The following DNAJC13 variants were observed in gnomAD, a reference collection of about 807,000 sequenced individuals.
DNAJC13 encodes dnaJ homolog subfamily C member 13.
In DNAJC13, 75 loss-of-function variants were observed where a neutral mutation model predicts 290.5. The observed-to-expected ratio is 0.26, with a 90% CI of 0.21 to 0.31. DNAJC13 has a LOEUF of 0.31. Among genes scored for constraint, DNAJC13 ranks in the 10% least tolerant of loss-of-function variants. DNAJC13 has a pLI of 1.00. For synonymous variants in DNAJC13, 862 were observed against 892.0 expected, an observed-to-expected ratio of 0.97 and a Z score of 0.60; for missense variants, 2,260 against 2,674.5, an observed-to-expected ratio of 0.85 and a Z score of 3.42.
Position 132,461,058 on chromosome 3 carries a change from G to A in DNAJC13, c.1566G>A (p.Gly522=), listed in dbSNP as rs1247484113. 1 of 1,613,816 alleles carries A rather than the reference G, an allele frequency of 6.2e-7. No homozygotes were observed. The highest frequency in any genetic ancestry group is 1.7e-4 in the Middle Eastern group (1 of 6,060). The stretch of plus-strand genomic sequence containing the variant: ...CTGTTGCATTGTTTCAGGATCATGG[G>A]ACTGGTGCCCTAGTTATTAGTTCGC... ...LEKFNSHVDH[G]TGALVISSLL... Residue 522 remains glycine, a synonymous_variant, in exon 15 of 56, where the codon GGG becomes GGA. Transcript: ENST00000260818.
chr3:132,460,136 A>G (rs1272092424), intron 13 of DNAJC13, 114 bp from the exon 14 acceptor site: 6 of 590,462 alleles, frequency 1.0e-5, no homozygotes, highest in Admixed American at 3.6e-5. Flanking sequence ...TTTAAAGGCA[A>G]TGGTTTTTAA....
rs1315353607 is a variant in DNAJC13 at position 132,447,415 on chromosome 3, C to T, written c.239C>T (p.Ser80Leu). Residue 80 changes from serine (S) to leucine (L), a missense_variant, in exon 4 of 56, where the codon TCA (serine) becomes TTA (leucine). By Grantham distance (145) the Ser-to-Leu change is moderately radical (BLOSUM62 -2). Around this residue, in one of 3 missense-constraint regions of DNAJC13, gnomAD observed 762 missense variants for 964.1 expected, o/e 0.79. Coordinates refer to ENST00000260818, the MANE Select transcript of DNAJC13 (RefSeq NM_015268.4). ...TTTCGTAAAGGCAGTGGAAAAAAGT[C>T]AGAAACTTTAAAATTTTCTACAGAG... ...LTFRKGSGKK[S>L]ETLKFSTEHR... 2.4e-5 allele frequency: 38 copies of T among 1,608,632 alleles called. No individual in the cohort carries two copies. Among genetic ancestry groups the T allele is most frequent in the Non-Finnish European group, 3.2e-5 (38 of 1,177,654 alleles).
chr3:132,459,286 T>C (rs1296792621), intron 13 of DNAJC13, among the ~76,000 whole-genome samples: 1 of 152,198 alleles, frequency 6.6e-6, no homozygotes, highest in African/African-American at 2.4e-5. Flanking sequence ...CTGACACGTT[T>C]TGCAACATGG....
chr3:132,472,465 G>T (rs556484194), intron 20 of DNAJC13: 3 of 687,664 alleles, frequency 4.4e-6, no homozygotes, highest in Non-Finnish European at 5.4e-6. Context: ...AGATAATTTT[G>T]TATTGATGTG....
Position 132,444,506 on chromosome 3 carries a change from T to C in DNAJC13, c.69-1969T>C, listed in dbSNP as rs552074909. On this transcript the variant is annotated intron_variant, in intron 2 of 55. Coordinates refer to ENST00000260818, the MANE Select transcript of DNAJC13 (RefSeq NM_015268.4). ...TTTCTTAGCCAGTCTTCTAAGACTGTACATGGCACCAGCAGTTACATTTGG... is the reference window on the plus strand; with the variant it reads ...TTTCTTAGCCAGTCTTCTAAGACTGCACATGGCACCAGCAGTTACATTTGG... Among the ~76,000 whole-genome samples, 7 of 152,320 alleles carry C rather than the reference T, an allele frequency of 4.6e-5. No homozygotes were observed. In the South Asian group the frequency reaches 1.2e-3, roughly 27 times the overall value.
chr3:132,425,981 C>T (rs1453429971), intron 1 of DNAJC13, among the ~76,000 whole-genome samples: 1 of 152,120 alleles, frequency 6.6e-6, no homozygotes, highest in Non-Finnish European at 1.5e-5. Flanking sequence ...CTCCCAAATC[C>T]TGTGGTTTTC....
In DNAJC13 at chr3:132,445,944, T is replaced by G. The variant is rs138243670; in HGVS notation, c.69-531T>G. On this transcript the variant is annotated intron_variant, in intron 2 of 55. Coordinates refer to ENST00000260818, the MANE Select transcript of DNAJC13 (RefSeq NM_015268.4). Reference sequence around the variant, plus strand: ...AAGTGAGAAGTGAAAACTGCTTGTTTGTGGTGTAGGCTTCCTACTTCTATA... The same window carrying G: ...AAGTGAGAAGTGAAAACTGCTTGTTGGTGGTGTAGGCTTCCTACTTCTATA... 2.0e-3 allele frequency among the ~76,000 whole-genome samples: 306 copies of G among 152,212 alleles called. 3 individuals are homozygous for G. Among genetic ancestry groups the G allele is most frequent in the Non-Finnish European group, 4.6e-4 (31 of 67,954 alleles).
At chr3:132,479,117 A>G in intron 24 of DNAJC13, 110 bp from the exon 25 acceptor site, 1 of 589,066 alleles carries the variant, frequency 1.7e-6, no homozygotes, top group Non-Finnish European at 3.0e-6. Context: ...CTTAATGTTT[A>G]TAAAATGGCA....
In DNAJC13 at chr3:132,538,402, T is replaced by C; in HGVS notation, c.*120T>C. ...TGGTTTCATGACAGTGTTATTCCTT[T>C]TTCTATAAATATATTTTTAGGAAAA... On this transcript the variant is annotated 3_prime_UTR_variant, in exon 56 of 56. Coordinates refer to ENST00000260818, the MANE Select transcript of DNAJC13 (RefSeq NM_015268.4). The C allele has an allele frequency of 1.5e-6, 1 of 679,450 alleles. No individual in the cohort carries two copies. The highest frequency in any genetic ancestry group is 2.3e-5 in the South Asian group (1 of 44,068). 42.1% of individuals were successfully genotyped at this position (679,450 alleles called of 1,614,324 possible).
At position 132,526,250 on chromosome 3, in the gene DNAJC13, TTCA is replaced by T; in HGVS notation, c.6351_6353del (p.Phe2117_Gln2118delinsLeu). ...GCCTGTGAAGCAATTAATCGAATGT[TTCA>T]GAAGGAGCAGAGTGAATTAGTAGCA... On this transcript the variant is annotated inframe_deletion, in exon 53 of 56. Transcript: ENST00000260818. 2.5e-6 allele frequency: 4 copies of T among 1,614,032 alleles called. No individual in the cohort carries two copies. Among genetic ancestry groups the T allele is most frequent in the Non-Finnish European group, 3.4e-6 (4 of 1,179,964 alleles).
chr3:132,453,996 C>T, intron 8 of DNAJC13, 70 bp from the exon 9 acceptor site: 2 of 1,116,614 alleles, frequency 1.8e-6, no homozygotes, highest in Non-Finnish European at 2.6e-6. Context: ...CTAAGTGATG[C>T]ATTTTATAAT....
chr3:132,513,146 C>T, intron 45 of DNAJC13, 47 bp downstream of exon 45: 5 of 1,466,646 alleles, frequency 3.4e-6, no homozygotes, highest in Non-Finnish European at 4.8e-6. Flanking sequence ...TACCACTTAC[C>T]ATGTGTAATT....
intron 55 of DNAJC13, among the ~76,000 whole-genome samples, chr3:132,536,318 G>T (rs939256129): frequency 2.0e-5 from 3 of 152,232 alleles, no homozygotes; most frequent in Non-Finnish European, 4.4e-5. Context: ...TTGAGCCTAG[G>T]AGTTCAAGGC....
Position 132,484,752 on chromosome 3 carries a change from G to A in DNAJC13, c.3267+80G>A, listed in dbSNP as rs563727535. On this transcript the variant is annotated intron_variant, in intron 29 of 55. Transcript: ENST00000260818. Reference sequence around the variant, plus strand: ...TATTATCAGTACCAGTCTTTGTTTTGTTGCAGTCTATTCCATTTTCAAAAA... The same window carrying A: ...TATTATCAGTACCAGTCTTTGTTTTATTGCAGTCTATTCCATTTTCAAAAA... 12 of 1,320,884 alleles carry A rather than the reference G, an allele frequency of 9.1e-6. No homozygotes were observed. The African/African-American group carries it at 1.6e-4, about 18-fold the overall frequency. 81.8% of individuals were successfully genotyped at this position (1,320,884 alleles called of 1,614,324 possible).
intron 53 of DNAJC13, among the ~76,000 whole-genome samples, chr3:132,527,510 A>G (rs975375514): frequency 1.8e-4 from 27 of 152,222 alleles, no homozygotes; most frequent in African/African-American, 6.0e-4. Context: ...AGGAAAGAAC[A>G]TGAGCTGGTA....
chr3:132,450,912 G>C (rs1933397270), intron 6 of DNAJC13, 65 bp downstream of exon 6: 2 of 955,320 alleles, frequency 2.1e-6, no homozygotes, highest in Non-Finnish European at 3.0e-6. Flanking sequence ...GGAAAGCAAA[G>C]CTTTTTATAC....
chr3:132,513,976 C>T (rs1302863991), intron 45 of DNAJC13, among the ~76,000 whole-genome samples: 1 of 152,126 alleles, frequency 6.6e-6, no homozygotes, highest in Non-Finnish European at 1.5e-5. Context: ...AATAAAAAAA[C>T]TTTAAATTGG....
chr3:132,499,314 A>G lies in DNAJC13; in HGVS notation c.4341+4A>G. On this transcript the variant is annotated splice_donor_region_variant and intron_variant, in intron 37 of 55. Transcript: ENST00000260818. ...CAGAAGAGAGAATGGACTAGAGGTA[A>G]TACGGAGTGACCTTTGTGCTTTTTA... The G allele has an allele frequency of 3.8e-6, 6 of 1,583,304 alleles. No individual in the cohort carries two copies. Among genetic ancestry groups the G allele is most frequent in the Non-Finnish European group, 5.2e-6 (6 of 1,162,656 alleles).
chr3:132,494,080 A>G, intron 33 of DNAJC13, 64 bp from the exon 34 acceptor site: 6 of 1,108,378 alleles, frequency 5.4e-6, no homozygotes, highest in Non-Finnish European at 7.8e-6. Context: ...ATAATTCTAT[A>G]ACTTAAAAAT....
Sources: allele counts gnomAD v4.1 joint callset (sites outside exome capture counted in the v4.1 genomes callset), GRCh38; gene constraint gnomAD v4.1.1; regional missense constraint gnomAD v4.1.1; transcripts MANE v1.5; gene names NCBI Gene and HGNC (gene_info 2026-07-23, HGNC 2026-07-21).